The following HSD17B12 variants were observed in gnomAD, a reference collection of about 807,000 sequenced individuals.
The protein encoded by HSD17B12 is very-long-chain 3-oxoacyl-CoA reductase.
A neutral mutation model predicts 39.3 loss-of-function variants in HSD17B12; 32 were observed. That is an observed-to-expected ratio of 0.81 (90% confidence interval 0.61 to 1.09). HSD17B12 has a LOEUF of 1.09. Among genes scored for constraint, HSD17B12 ranks in the 50% least tolerant of loss-of-function variants. The probability of loss-of-function intolerance (pLI) is 0.00; values close to 1 mark genes in which losing one functional copy is unlikely to be tolerated. For synonymous variants in HSD17B12, 150 were observed against 146.7 expected (o/e 1.02, Z -0.16); for missense variants, 342 against 382.9 (o/e 0.89, Z 0.89).
the HSD17B12 span, among the ~76,000 whole-genome samples, chr11:43,652,013 C>A: frequency 6.6e-6 from 1 of 152,138 alleles, no homozygotes; most frequent in Non-Finnish European, 1.5e-5. Context: ...GAGAAAGATA[C>A]CATGTTCGTG....
chr11:43,559,331 T>G, the HSD17B12 span, among the ~76,000 whole-genome samples: 2 of 152,230 alleles, frequency 1.3e-5, no homozygotes, highest in Non-Finnish European at 2.9e-5. Flanking sequence ...TACTCTGAGC[T>G]GTGGTCTTCT....
At chr11:43,583,431 C>T in the HSD17B12 span, among the ~76,000 whole-genome samples, 3 of 152,178 alleles carry the variant, frequency 2.0e-5, no homozygotes, top group Non-Finnish European at 4.4e-5. Flanking sequence ...GGCGGCTGCA[C>T]GCCTGGGGCT....
chr11:43,800,310 T>C (rs1327188166), intron 4 of HSD17B12, among the ~76,000 whole-genome samples: 1 of 152,234 alleles, frequency 6.6e-6, no homozygotes, highest in African/African-American at 2.4e-5. Context: ...GAAAAAAGAC[T>C]GAGGGAGAAA....
intron 3 of HSD17B12, among the ~76,000 whole-genome samples, chr11:43,765,286 G>T (rs1950585802): frequency 6.6e-6 from 1 of 151,436 alleles, no homozygotes; most frequent in Admixed American, 6.6e-5. Flanking sequence ...ATTTTCTCTG[G>T]GTATAAAATT....
At chr11:43,693,745 T>C (rs1949884957) in intron 1 of HSD17B12, among the ~76,000 whole-genome samples, 1 of 152,260 alleles carries the variant, frequency 6.6e-6, no homozygotes, top group Non-Finnish European at 1.5e-5. Context: ...AGAAAACTTC[T>C]TCAGATTGAT....
At chr11:43,849,302 C>CAAACA (rs758622999) in intron 9 of HSD17B12, among the ~76,000 whole-genome samples, 4 of 145,526 alleles carry the variant, frequency 2.7e-5, no homozygotes, top group African/African-American at 7.7e-5. Context: ...GAGACTATCT[C>CAAACA]AAACAAAACA....
In HSD17B12 at chr11:43,719,177, T is replaced by C. The variant is rs1359200237; in HGVS notation, c.161-31734T>C. On this transcript the variant is annotated intron_variant, in intron 1 of 10. Coordinates refer to ENST00000278353, the MANE Select transcript of HSD17B12 (RefSeq NM_016142.3). ...GTCCAGATGGCTAATTCTAAATATATGTATATCTTTTCACCATATACATGC... is the reference window on the plus strand; with the variant it reads ...GTCCAGATGGCTAATTCTAAATATACGTATATCTTTTCACCATATACATGC... The C allele has an allele frequency of 4.1e-6, 3 of 737,898 alleles. 1 individual carries two copies. The highest frequency in any genetic ancestry group is 5.0e-5 in the East Asian group (2 of 39,778). The allele number at this position is 737,898 out of a possible 1,614,324, so 45.7% of individuals were successfully genotyped here. A position where few individuals can be genotyped will look rare whatever the true frequency, so the allele number is the denominator to read the frequency against.
chr11:43,830,929 T>C, intron 6 of HSD17B12, 47 bp from the exon 7 acceptor site: 1 of 1,531,672 alleles, frequency 6.5e-7, no homozygotes, highest in Non-Finnish European at 9.0e-7. Context: ...CTTTTTCTGT[T>C]GCCTGCATCC....
At chr11:43,677,616 C>T (rs935034880), upstream of HSD17B12, among the ~76,000 whole-genome samples, 2 of 151,976 alleles carry the variant, frequency 1.3e-5, no homozygotes, top group Non-Finnish European at 2.9e-5. Context: ...ATGACAGGCC[C>T]CAGTGTGTGA....
At chr11:43,775,829 A>C (rs912852303) in intron 3 of HSD17B12, among the ~76,000 whole-genome samples, 3 of 146,872 alleles carry the variant, frequency 2.0e-5, no homozygotes, top group African/African-American at 7.6e-5. Context: ...TCATTGTTCA[A>C]TTCCCACCTA....
chr11:43,735,566 A>G (rs531030925), intron 1 of HSD17B12, among the ~76,000 whole-genome samples: 1 of 152,306 alleles, frequency 6.6e-6, no homozygotes, highest in Non-Finnish European at 1.5e-5. Context: ...TGTCTATTCA[A>G]GTCCTTTGCC....
At chr11:43,602,471 T>C in the HSD17B12 span, among the ~76,000 whole-genome samples, 1 of 151,976 alleles carries the variant, frequency 6.6e-6, no homozygotes, top group African/African-American at 2.4e-5. Flanking sequence ...CAGTGTAGTC[T>C]TGGGAGACAA....
At chr11:43,621,058 G>C in the HSD17B12 span, among the ~76,000 whole-genome samples, 2 of 152,192 alleles carry the variant, frequency 1.3e-5, no homozygotes, top group Non-Finnish European at 2.9e-5. Context: ...AGAAGAGAAG[G>C]ATGAAGGTTG....
At position 43,693,028 on chromosome 11, in the gene HSD17B12, T is replaced by C. The variant is rs760754941; in HGVS notation, c.160+12041T>C. On this transcript the variant is annotated intron_variant, in intron 1 of 10. Transcript: ENST00000278353. Reference sequence around the variant, plus strand: ...AAAATCAGGAGGCAGAAGAGAATCATGATAGAATAGCAGAACTGGAAGGGA... The same window carrying C: ...AAAATCAGGAGGCAGAAGAGAATCACGATAGAATAGCAGAACTGGAAGGGA... 3.6e-4 allele frequency among the ~76,000 whole-genome samples: 55 copies of C among 152,164 alleles called. 1 individual carries two copies. The highest frequency in any genetic ancestry group is 2.8e-4 in the Non-Finnish European group (19 of 68,028).
the HSD17B12 span, among the ~76,000 whole-genome samples, chr11:43,607,391 A>G: frequency 1.5e-4 from 23 of 151,994 alleles, no homozygotes; most frequent in Admixed American, 2.6e-4. Flanking sequence ...AAGAAAATAG[A>G]CCATTCAGTT....
chr11:43,715,973 T>G (rs1318238470), intron 1 of HSD17B12, among the ~76,000 whole-genome samples: 1 of 152,196 alleles, frequency 6.6e-6, no homozygotes, highest in African/African-American at 2.4e-5. Context: ...TCCTTTGAAC[T>G]TTTATAATCC....
chr11:43,666,255 G>C, the HSD17B12 span, among the ~76,000 whole-genome samples: 1 of 152,112 alleles, frequency 6.6e-6, no homozygotes, highest in African/African-American at 2.4e-5. Context: ...CCAGGCTGGA[G>C]TGCAGTGGTG....
the HSD17B12 span, among the ~76,000 whole-genome samples, chr11:43,650,141 A>G: frequency 6.6e-6 from 1 of 152,214 alleles, no homozygotes; most frequent in African/African-American, 2.4e-5. Context: ...TTGCCATGAC[A>G]GATAACAGGA....
chr11:43,780,474 TATC>T (rs1395858856), intron 3 of HSD17B12, among the ~76,000 whole-genome samples: 1 of 152,212 alleles, frequency 6.6e-6, no homozygotes, highest in African/African-American at 2.4e-5. Context: ...GGCCTATGTG[TATC>T]ATATTCTTAT....
Sources: gnomAD v4.1 joint callset for allele counts (sites outside exome capture counted in the v4.1 genomes callset) on GRCh38, gnomAD v4.1.1 for gene constraint, MANE v1.5 for transcripts, NCBI Gene and HGNC (gene_info 2026-07-23, HGNC 2026-07-21) for gene names.